Variants in UGGT2 observed in about 807,000 individuals in gnomAD.
UGGT2 encodes the protein UDP-glucose:glycoprotein glucosyltransferase 2.
A neutral mutation model predicts 192.1 loss-of-function variants in UGGT2; 180 were observed. The ratio of observed to expected loss-of-function variants is 0.94; its 90% CI spans 0.83 to 1.06. The LOEUF (loss-of-function observed/expected upper bound fraction) is 1.06, where lower values mean the gene tolerates loss of function less well. UGGT2 is among the 50% of genes least tolerant of loss of function. UGGT2 has a pLI of 0.00. For synonymous variants in UGGT2, 580 were observed against 591.0 expected, an observed-to-expected ratio of 0.98 and a Z score of 0.27; for missense variants, 1,849 against 1,795.7, an observed-to-expected ratio of 1.03 and a Z score of -0.54.
chr13:95,967,258 T>TTCTC (rs1017228353), intron 12 of UGGT2, among the ~76,000 whole-genome samples: 5 of 151,974 alleles, frequency 3.3e-5, no homozygotes, highest in African/African-American at 1.2e-4. Flanking sequence ...GTCCAACGTA[T>TTCTC]TCTCCTGCCT....
chr13:95,807,781 G>A (rs1271717850), intron 38 of UGGT2, among the ~76,000 whole-genome samples: 1 of 124,056 alleles, frequency 8.1e-6, no homozygotes, highest in Non-Finnish European at 1.6e-5. Flanking sequence ...TAGCTTTGTC[G>A]TAAATCCTGT....
chr13:95,898,648 G>A lies in UGGT2; in HGVS notation c.2634+2159C>T, dbSNP rs142312160. On this transcript the variant is annotated intron_variant, in intron 22 of 38. Coordinates refer to ENST00000376747, the MANE Select transcript of UGGT2 (RefSeq NM_020121.4). ...GTTGGGAGCTGGGGCCTAATGGGAG[G>A]TGTTTAGGTCATGAGGGCTGTGCCT... Among the ~76,000 whole-genome samples the A allele has an allele frequency of 6.1e-3, 936 of 152,228 alleles. 19 individuals carry two copies. Among genetic ancestry groups the A allele is most frequent in the Non-Finnish European group, 4.3e-3 (294 of 68,006 alleles).
At chr13:95,834,282 T>TTAAC (rs1467598717) in intron 37 of UGGT2, among the ~76,000 whole-genome samples, 1 of 152,142 alleles carries the variant, frequency 6.6e-6, no homozygotes, top group African/African-American at 2.4e-5. Flanking sequence ...TTAGTGTTTC[T>TTAAC]TAACTGGGTA....
intron 34 of UGGT2, among the ~76,000 whole-genome samples, chr13:95,855,218 T>G (rs1442549355): frequency 6.6e-6 from 1 of 151,320 alleles, no homozygotes; most frequent in Non-Finnish European, 1.5e-5. Flanking sequence ...TGCAGGAGTC[T>G]GAGGCTACAG....
intron 17 of UGGT2, among the ~76,000 whole-genome samples, chr13:95,929,986 G>A (rs1405934348): frequency 3.3e-5 from 5 of 152,154 alleles, no homozygotes; most frequent in African/African-American, 4.8e-5. Context: ...TAAATGGTAC[G>A]AGATGGTGTC....
intron 1 of UGGT2, among the ~76,000 whole-genome samples, chr13:96,038,187 A>G (rs2053061059): frequency 6.6e-6 from 1 of 152,216 alleles, no homozygotes; most frequent in African/African-American, 2.4e-5. Flanking sequence ...CTTTCCCTAT[A>G]AAAAGTACCT....
chr13:95,952,203 G>GA (rs551584620), intron 12 of UGGT2, among the ~76,000 whole-genome samples: 31 of 145,898 alleles, frequency 2.1e-4, no homozygotes, highest in South Asian at 8.7e-4. Context: ...AAAACCACAG[G>GA]AAAAAAAAAA....
chr13:95,822,211 T>C (rs1885582878), intron 38 of UGGT2, among the ~76,000 whole-genome samples: 1 of 152,036 alleles, frequency 6.6e-6, no homozygotes, highest in South Asian at 2.1e-4. Context: ...ATTTGTGTCA[T>C]CTATGATGAT....
chr13:96,001,026 T>C (rs190260391), intron 5 of UGGT2, among the ~76,000 whole-genome samples: 2 of 152,320 alleles, frequency 1.3e-5, no homozygotes, highest in African/African-American at 2.4e-5. Context: ...GGCTATAATT[T>C]GATGTTACTA....
chr13:95,932,048 C>G (rs2049299180), intron 17 of UGGT2, among the ~76,000 whole-genome samples: 1 of 152,172 alleles, frequency 6.6e-6, no homozygotes, highest in African/African-American at 2.4e-5. Flanking sequence ...TATTTGGGCT[C>G]TTTTCTGGTT....
intron 29 of UGGT2, among the ~76,000 whole-genome samples, chr13:95,867,845 C>A (rs1035214140): frequency 4.6e-5 from 7 of 152,120 alleles, no homozygotes; most frequent in Admixed American, 4.6e-4. Context: ...TTAATATCCA[C>A]CAGCCATTTT....
chr13:95,968,611 A>G (rs996124215), intron 12 of UGGT2, among the ~76,000 whole-genome samples: 1 of 152,170 alleles, frequency 6.6e-6, no homozygotes, highest in Non-Finnish European at 1.5e-5. Context: ...TGTTCTTGCC[A>G]TATGAGATAC....
intron 38 of UGGT2, among the ~76,000 whole-genome samples, chr13:95,831,501 T>C (rs981048101): frequency 1.3e-5 from 2 of 152,306 alleles, no homozygotes; most frequent in Admixed American, 6.5e-5. Context: ...TTTGTATCAA[T>C]GTTTATGTAA....
At chr13:96,047,087 T>TA (rs1413573077) in intron 1 of UGGT2, among the ~76,000 whole-genome samples, 1 of 152,178 alleles carries the variant, frequency 6.6e-6, no homozygotes. Context: ...TCTGCACACT[T>TA]ATATGTCCCT....
intron 12 of UGGT2, among the ~76,000 whole-genome samples, chr13:95,968,344 CTG>C (rs1224648739): frequency 6.6e-6 from 1 of 152,076 alleles, no homozygotes; most frequent in Non-Finnish European, 1.5e-5. Context: ...AAAACTATAA[CTG>C]TGCTAAGTAT....
At position 95,806,886 on chromosome 13, in the gene UGGT2, A is replaced by G. The variant is rs567520745; in HGVS notation, c.4529-5074T>C. On this transcript the variant is annotated intron_variant, in intron 38 of 38. Coordinates refer to ENST00000376747, the MANE Select transcript of UGGT2 (RefSeq NM_020121.4). ...TTCATATCATATTTAAAAATTAAAGATAGATTTAAAAATCTAAGTATAAGA... is the reference window on the plus strand; with the variant it reads ...TTCATATCATATTTAAAAATTAAAGGTAGATTTAAAAATCTAAGTATAAGA... Among the ~76,000 whole-genome samples, 449 of 152,296 alleles carry G rather than the reference A, an allele frequency of 2.9e-3. 4 individuals are homozygous for G. The highest frequency in any genetic ancestry group is 0.01 in the African/African-American group (431 of 41,556).
At chr13:95,956,486 T>G (rs2050215292) in intron 12 of UGGT2, among the ~76,000 whole-genome samples, 1 of 152,100 alleles carries the variant, frequency 6.6e-6, no homozygotes, top group Non-Finnish European at 1.5e-5. Context: ...GAACCCAATT[T>G]AAAATGGGCA....
At chr13:96,010,383 ACCTGCACAT>A (rs2052123096) in intron 5 of UGGT2, among the ~76,000 whole-genome samples, 1 of 152,174 alleles carries the variant, frequency 6.6e-6, no homozygotes, top group Admixed American at 6.5e-5. Context: ...TATGTAACAA[ACCTGCACAT>A]CCTGCACATG....
intron 20 of UGGT2, among the ~76,000 whole-genome samples, chr13:95,910,215 T>C (rs1012038049): frequency 1.3e-5 from 2 of 152,136 alleles, no homozygotes; most frequent in Non-Finnish European, 2.9e-5. Flanking sequence ...AACATCATAA[T>C]AACGGGATCA....
Sources: allele counts gnomAD v4.1 joint callset (sites outside exome capture counted in the v4.1 genomes callset), GRCh38; gene constraint gnomAD v4.1.1; transcripts MANE v1.5; gene names NCBI Gene and HGNC (gene_info 2026-07-23, HGNC 2026-07-21).